The following DNAJC1 variants were observed in gnomAD, a reference collection of about 807,000 sequenced individuals.
DNAJC1 encodes DnaJ heat shock protein family (Hsp40) member C1.
In DNAJC1, 58 loss-of-function variants were observed where a neutral mutation model predicts 76.6. The observed-to-expected ratio is 0.76, with a 90% confidence interval of 0.61 to 0.94. The LOEUF is 0.94. Among genes scored for constraint, DNAJC1 ranks in the 40% least tolerant of loss-of-function variants. The probability of loss-of-function intolerance (pLI) is 0.00; values close to 1 mark genes in which losing one functional copy is unlikely to be tolerated. For synonymous variants in DNAJC1, 258 were observed against 267.9 expected (o/e 0.96, Z 0.36); for missense variants, 689 against 677.3 (o/e 1.02, Z -0.19).
intron 8 of DNAJC1, among the ~76,000 whole-genome samples, chr10:21,823,962 A>G (rs992048728): frequency 1.2e-4 from 19 of 152,218 alleles, no homozygotes; most frequent in African/African-American, 4.6e-4. Context: ...ATGAGAATAA[A>G]AACTAGATAC....
At chr10:21,855,699 T>C (rs936582678) in intron 8 of DNAJC1, among the ~76,000 whole-genome samples, 25 of 152,174 alleles carry the variant, frequency 1.6e-4, no homozygotes, top group African/African-American at 5.5e-4. Context: ...TTCTTAACAA[T>C]AAAACCGTTT....
chr10:21,989,340 A>C (rs1838295852), intron 1 of DNAJC1, among the ~76,000 whole-genome samples: 1 of 152,238 alleles, frequency 6.6e-6, no homozygotes, highest in Admixed American at 6.5e-5. Flanking sequence ...CCAATGTTAA[A>C]ATTTAAAGAG....
At chr10:21,859,118 G>A (rs1835884732) in intron 8 of DNAJC1, among the ~76,000 whole-genome samples, 1 of 152,070 alleles carries the variant, frequency 6.6e-6, no homozygotes, top group African/African-American at 2.4e-5. Context: ...AGTGTTGTAG[G>A]CACTGTCACT....
intron 9 of DNAJC1, among the ~76,000 whole-genome samples, chr10:21,776,080 A>T (rs1313814518): frequency 6.6e-6 from 1 of 152,164 alleles, no homozygotes; most frequent in Non-Finnish European, 1.5e-5. Flanking sequence ...GGGTAGAGTG[A>T]ATGAAAAAAA....
chr10:21,791,425 C>T (rs1214383339), intron 9 of DNAJC1, among the ~76,000 whole-genome samples: 1 of 152,166 alleles, frequency 6.6e-6, no homozygotes, highest in African/African-American at 2.4e-5. Context: ...CTTCATCCAA[C>T]AGCTACAGAA....
rs539851062 is a variant in DNAJC1 at position 21,934,808 on chromosome 10, T to A, written c.223-5667A>T. Among the ~76,000 whole-genome samples, 4 of 152,292 alleles carry A rather than the reference T, an allele frequency of 2.6e-5. No homozygotes were observed. In the South Asian group the frequency reaches 8.3e-4, roughly 32 times the overall value. On this transcript the variant is annotated intron_variant, in intron 1 of 11. Transcript: ENST00000376980. Reference sequence around the variant, plus strand: ...CAAGTGATGCATTTCTCAGAATGCATCCTTGTCATTAAGCAATGCATGACT... The same window carrying A: ...CAAGTGATGCATTTCTCAGAATGCAACCTTGTCATTAAGCAATGCATGACT...
chr10:21,778,827 AG>A (rs1834486962), intron 9 of DNAJC1, among the ~76,000 whole-genome samples: 1 of 152,256 alleles, frequency 6.6e-6, no homozygotes, highest in Admixed American at 6.5e-5. Flanking sequence ...GCAAAGGGTC[AG>A]GGAATTCCCT....
intron 6 of DNAJC1, among the ~76,000 whole-genome samples, chr10:21,913,023 T>C (rs1021633320): frequency 1.3e-5 from 2 of 151,098 alleles, no homozygotes; most frequent in African/African-American, 4.9e-5. Flanking sequence ...GCCAGAGCTG[T>C]ACAGAGAAGA....
intron 7 of DNAJC1, among the ~76,000 whole-genome samples, chr10:21,887,002 G>A (rs1205018595): frequency 2.0e-5 from 3 of 151,896 alleles, no homozygotes; most frequent in East Asian, 1.9e-4. Flanking sequence ...CCATAGTTTC[G>A]GCCCAAAGCT....
At chr10:21,968,504 C>CT (rs748589532) in intron 1 of DNAJC1, among the ~76,000 whole-genome samples, 5,901 of 144,364 alleles carry the variant, frequency 0.041, 161 homozygotes, top group Non-Finnish European at 0.061. Context: ...CATGACATAT[C>CT]TTTTTTTTTT....
At chr10:21,791,268 ATAGACTC>A (rs929067611) in intron 9 of DNAJC1, among the ~76,000 whole-genome samples, 3 of 152,170 alleles carry the variant, frequency 2.0e-5, no homozygotes, top group African/African-American at 7.2e-5. Context: ...AAAGGGAGAG[ATAGACTC>A]CAATACAACA....
At chr10:21,813,220 C>CTATATATATATATATA (rs777283982) in intron 8 of DNAJC1, among the ~76,000 whole-genome samples, 1 of 19,088 alleles carries the variant, frequency 5.2e-5, no homozygotes, top group Non-Finnish European at 8.7e-5. Flanking sequence ...CTCTCTCTCT[C>CTATATATATATATATA]TATATATATA....
At chr10:21,960,239 C>T (rs1030522597) in intron 1 of DNAJC1, among the ~76,000 whole-genome samples, 10 of 152,152 alleles carry the variant, frequency 6.6e-5, no homozygotes, top group Non-Finnish European at 1.2e-4. Context: ...CAATTAACAT[C>T]TTAAACTTGT....
At chr10:21,831,964 G>A (rs1467336388) in intron 8 of DNAJC1, among the ~76,000 whole-genome samples, 1 of 152,040 alleles carries the variant, frequency 6.6e-6, no homozygotes, top group Admixed American at 6.6e-5. Flanking sequence ...AACTTAGGTG[G>A]ATACCATAGT....
chr10:21,813,318 C>T (rs957970392), intron 8 of DNAJC1, among the ~76,000 whole-genome samples: 3 of 149,460 alleles, frequency 2.0e-5, no homozygotes, highest in Admixed American at 6.7e-5. Flanking sequence ...ACAGTGAGGC[C>T]GCTCAAGCGG....
intron 7 of DNAJC1, among the ~76,000 whole-genome samples, chr10:21,903,282 T>C (rs572341907): frequency 6.6e-6 from 1 of 152,320 alleles, no homozygotes; most frequent in Non-Finnish European, 1.5e-5. Flanking sequence ...TGAAAAGGCT[T>C]AGAAATTGTA....
intron 9 of DNAJC1, among the ~76,000 whole-genome samples, chr10:21,790,010 T>TAAAAAAAAAAAAAA (rs35639440): frequency 3.2e-4 from 13 of 41,092 alleles, no homozygotes; most frequent in Non-Finnish European, 2.7e-4. Context: ...GCTCTGTCTT[T>TAAAAAAAAAAAAAA]AAAAAAAAAA....
intron 11 of DNAJC1, among the ~76,000 whole-genome samples, chr10:21,758,373 C>T (rs185646706): frequency 2.4e-4 from 37 of 152,348 alleles, no homozygotes; most frequent in African/African-American, 8.7e-4. Context: ...GTTAGGATCA[C>T]ACCCTGGGGC....
intron 9 of DNAJC1, among the ~76,000 whole-genome samples, chr10:21,795,970 C>CT (rs528288634): frequency 0.04 from 5,262 of 132,848 alleles, 158 homozygotes; most frequent in Non-Finnish European, 0.063. Context: ...GGGATTTCCG[C>CT]TTTTTTTTTT....
Sources: allele counts gnomAD v4.1 joint callset (sites outside exome capture counted in the v4.1 genomes callset), GRCh38; gene constraint gnomAD v4.1.1; transcripts MANE v1.5; gene names NCBI Gene and HGNC (gene_info 2026-07-23, HGNC 2026-07-21).